Variants in BTBD8 observed in about 807,000 individuals in gnomAD.
BTBD8 encodes the protein BTB domain containing 8.
Under a neutral mutation model 162.9 loss-of-function variants are expected in BTBD8, and 110 were observed. The observed-to-expected ratio is 0.68, with a 90% CI of 0.58 to 0.79. The LOEUF (loss-of-function observed/expected upper bound fraction) is 0.79. BTBD8 is among the 30% of genes least tolerant of loss of function. The probability of loss-of-function intolerance (pLI) is 0.00; values close to 1 mark genes in which losing one functional copy is unlikely to be tolerated. For missense variants in BTBD8, 1,905 were observed against 2,085.4 expected (o/e 0.91, Z 1.68); for synonymous variants, 667 against 716.1 (o/e 0.93, Z 1.10).
At chr1:92,106,660 CAAAAAAAA>C (rs60676530) in intron 3 of BTBD8, among the ~76,000 whole-genome samples, 185 of 9,928 alleles carry the variant, frequency 0.019, 1 homozygote, top group African/African-American at 0.068. Context: ...GACTCTGTCT[CAAAAAAAA>C]AAAAAAAAAA....
At chr1:92,123,011 T>A (rs778185783) in intron 4 of BTBD8, among the ~76,000 whole-genome samples, 52 of 152,244 alleles carry the variant, frequency 3.4e-4, no homozygotes, top group Non-Finnish European at 7.3e-4. Flanking sequence ...TATTCTAGAT[T>A]TAAGTTTTTG....
chr1:92,122,991 G>A (rs1272340202), intron 4 of BTBD8, among the ~76,000 whole-genome samples: 16 of 152,134 alleles, frequency 1.1e-4, no homozygotes. Context: ...TGTTATTATG[G>A]TTCTCTATGT....
Position 92,181,375 on chromosome 1 carries a change from T to TTG in BTBD8, c.3695_3696dup (p.Gly1233TrpfsTer6). The TTG allele has an allele frequency of 6.4e-7, 1 of 1,551,686 alleles. No homozygotes were observed. Among genetic ancestry groups the TTG allele is most frequent in the Non-Finnish European group, 8.7e-7 (1 of 1,146,978 alleles). On this transcript the variant is annotated frameshift_variant, in exon 17 of 18. Transcript: ENST00000636805. LOFTEE classifies it high-confidence loss of function. ...AGCCATGAAACTCCAGAAACTCCAT[T>TTG]TGTGGGTCACTGGAATTTGAGTACT... is the stretch of plus-strand genomic sequence containing the variant.
chr1:92,136,959 G>T (rs2101936903), intron 5 of BTBD8, among the ~76,000 whole-genome samples: 1 of 152,142 alleles, frequency 6.6e-6, no homozygotes, highest in African/African-American at 2.4e-5. Context: ...TTTTCACCTT[G>T]GGTACATTAG....
chr1:92,164,632 C>T (rs1421349702), intron 9 of BTBD8, among the ~76,000 whole-genome samples: 2 of 148,708 alleles, frequency 1.3e-5, no homozygotes, highest in South Asian at 2.1e-4. Context: ...GAGCTGAGAT[C>T]GCACCACTGC....
chr1:92,106,492 C>T (rs751556503), intron 3 of BTBD8, among the ~76,000 whole-genome samples: 4 of 151,446 alleles, frequency 2.6e-5, no homozygotes, highest in Non-Finnish European at 5.9e-5. Flanking sequence ...AACCCCGTCT[C>T]TACTAAAAAT....
chr1:92,137,554 TC>T (rs988175307), intron 5 of BTBD8, among the ~76,000 whole-genome samples: 3 of 152,240 alleles, frequency 2.0e-5, no homozygotes, highest in African/African-American at 7.2e-5. Flanking sequence ...GTTGGAGTCT[TC>T]AAGGGGGCCC....
Position 92,184,086 on chromosome 1 carries a change from T to C in BTBD8, c.5135T>C (p.Leu1712Ser). The change falls in exon 18 of 18, where the codon TTA becomes TCA. Residue 1712 changes from leucine (L) to serine (S), a missense_variant. By Grantham distance (145) the Leu-to-Ser change is moderately radical. Around this residue, in one of 3 missense-constraint regions of BTBD8, gnomAD observed 517 missense variants for 606.6 expected, o/e 0.85. Coordinates refer to ENST00000636805, the MANE Select transcript of BTBD8 (RefSeq NM_001376131.1). ...CTGCTCTCTGAACAGGATTCAAACTTAGATGTTACAAATTCCGTTCCTGAA... is the reference window on the plus strand; with the variant it reads ...CTGCTCTCTGAACAGGATTCAAACTCAGATGTTACAAATTCCGTTCCTGAA... ...KQLLSEQDSN[L>S]DVTNSVPEDL... 1.3e-6 allele frequency: 2 copies of C among 1,551,666 alleles called. No homozygotes were observed. The highest frequency in any genetic ancestry group is 1.7e-6 in the Non-Finnish European group (2 of 1,146,878).
rs147823147 is a variant in BTBD8, at chr1:92,143,088, G to A, written c.930+1877G>A. On this transcript the variant is annotated intron_variant, in intron 7 of 17. Transcript: ENST00000636805. Reference sequence around the variant, plus strand: ...ACTGTGCTGAATTTCAATAACAATAGTATCCAGAAAGTACTAGAATCTGCC... The same window carrying A: ...ACTGTGCTGAATTTCAATAACAATAATATCCAGAAAGTACTAGAATCTGCC... Among the ~76,000 whole-genome samples the A allele has an allele frequency of 4.2e-4, 64 of 152,276 alleles. 2 individuals are homozygous for A. Among genetic ancestry groups the A allele is most frequent in the African/African-American group, 1.5e-3 (61 of 41,550 alleles).
At chr1:92,139,469 T>A in intron 6 of BTBD8, 39 bp downstream of exon 6, 1 of 1,583,714 alleles carries the variant, frequency 6.3e-7, no homozygotes. Context: ...TATAAAAGAG[T>A]TAGGTTCTGC....
At chr1:92,105,845 G>T (rs1648711845) in intron 3 of BTBD8, among the ~76,000 whole-genome samples, 1 of 152,198 alleles carries the variant, frequency 6.6e-6, no homozygotes, top group Admixed American at 6.5e-5. Flanking sequence ...TACAGAAATG[G>T]CTTGATTGGT....
At chr1:92,114,290 T>C (rs897389664) in intron 4 of BTBD8, among the ~76,000 whole-genome samples, 39 of 152,150 alleles carry the variant, frequency 2.6e-4, no homozygotes, top group African/African-American at 8.2e-4. Context: ...CTGGCAGATA[T>C]CCAATAAACT....
chr1:92,133,830 C>T (rs1459960590), intron 5 of BTBD8, among the ~76,000 whole-genome samples: 1 of 152,024 alleles, frequency 6.6e-6, no homozygotes. Context: ...ATTAGCCGGG[C>T]GTGGTGGCGG....
At chr1:92,118,803 C>CTTTTTTTTTT (rs386367658) in intron 4 of BTBD8, among the ~76,000 whole-genome samples, 33 of 95,260 alleles carry the variant, frequency 3.5e-4, no homozygotes, top group Middle Eastern at 6.8e-3. Context: ...TTCTTTCTTT[C>CTTTTTTTTTT]TTTTTTTTTT....
intron 4 of BTBD8, chr1:92,125,474 G>A (rs1211961567): frequency 3.1e-6 from 1 of 326,468 alleles, no homozygotes; most frequent in Non-Finnish European, 6.0e-6. Flanking sequence ...TGAGAGGCTG[G>A]AGAAGGAGGA....
intron 4 of BTBD8, among the ~76,000 whole-genome samples, chr1:92,116,884 C>G (rs1378402157): frequency 6.8e-6 from 1 of 147,080 alleles, no homozygotes; most frequent in Non-Finnish European, 1.5e-5. Flanking sequence ...GGATCACTCT[C>G]TGTTGCCCAG....
chr1:92,133,644 T>A (rs1649563346), intron 5 of BTBD8, among the ~76,000 whole-genome samples: 1 of 152,216 alleles, frequency 6.6e-6, no homozygotes. Flanking sequence ...CAAGAGGAAC[T>A]GCCTTCAATA....
intron 9 of BTBD8, among the ~76,000 whole-genome samples, chr1:92,159,954 T>C (rs1349837497): frequency 2.0e-5 from 3 of 152,178 alleles, no homozygotes; most frequent in Non-Finnish European, 4.4e-5. Flanking sequence ...TGGGAAGTTT[T>C]CGGCCATTAT....
chr1:92,153,800 A>T (rs964494046), intron 9 of BTBD8, among the ~76,000 whole-genome samples: 1 of 152,194 alleles, frequency 6.6e-6, no homozygotes, highest in Non-Finnish European at 1.5e-5. Flanking sequence ...TATTGTAAAT[A>T]GTGCTGCAGT....
Sources: gnomAD v4.1 joint callset for allele counts (sites outside exome capture counted in the v4.1 genomes callset) on GRCh38, gnomAD v4.1.1 for gene constraint, gnomAD v4.1.1 regional missense constraint, MANE v1.5 for transcripts, NCBI Gene and HGNC (gene_info 2026-07-23, HGNC 2026-07-21) for gene names.